Variants in C8orf34 observed in about 807,000 individuals in gnomAD.
C8orf34 encodes the protein chromosome 8 open reading frame 34.
A neutral mutation model predicts 68.3 loss-of-function variants in C8orf34; 65 were observed. The observed-to-expected ratio is 0.95, with a 90% confidence interval of 0.78 to 1.17. C8orf34 has a LOEUF of 1.17. Ranked by LOEUF, C8orf34 falls within the 50% of genes most tolerant of loss-of-function variation. The pLI is 0.00. For synonymous variants in C8orf34, 244 were observed against 241.2 expected (o/e 1.01, Z -0.11); for missense variants, 664 against 655.4 (o/e 1.01, Z -0.14).
intron 5 of C8orf34, among the ~76,000 whole-genome samples, chr8:68,505,297 G>A (rs1813959650): frequency 6.6e-6 from 1 of 152,296 alleles, no homozygotes; most frequent in South Asian, 2.1e-4. Context: ...TGTCGATAAT[G>A]TATTATTGAA....
intron 3 of C8orf34, among the ~76,000 whole-genome samples, chr8:68,453,165 A>G (rs1474681816): frequency 6.6e-6 from 1 of 151,894 alleles, no homozygotes; most frequent in Non-Finnish European, 1.5e-5. Flanking sequence ...TGTTTTGATA[A>G]CTGTAGTTTT....
rs143892124 is a variant in C8orf34, at chr8:68,691,306, T to C, written c.1242-17688T>C. ...TCTCTGTGTCAGCATTTTTTAGTAA[T>C]AAAGTATTTGAATTAAGGTATGTAC... On this transcript the variant is annotated intron_variant, in intron 8 of 13. Coordinates refer to ENST00000518698, the MANE Select transcript of C8orf34 (RefSeq NM_052958.4). Among the ~76,000 whole-genome samples the C allele has an allele frequency of 4.3e-3, 662 of 152,206 alleles. 11 individuals carry two copies. The highest frequency in any genetic ancestry group is 0.015 in the African/African-American group (624 of 41,562).
chr8:68,805,476 T>C (rs1271555082), intron 12 of C8orf34, among the ~76,000 whole-genome samples: 1 of 152,216 alleles, frequency 6.6e-6, no homozygotes, highest in Non-Finnish European at 1.5e-5. Flanking sequence ...ATTTAACTGT[T>C]TCTCTTTGTA....
chr8:68,676,008 G>T (rs2130859380), intron 8 of C8orf34, among the ~76,000 whole-genome samples: 1 of 152,230 alleles, frequency 6.6e-6, no homozygotes, highest in Admixed American at 6.5e-5. Flanking sequence ...TAATAATGGG[G>T]TCAGTTCAGC....
intron 7 of C8orf34, among the ~76,000 whole-genome samples, chr8:68,633,709 TGTA>T (rs1818757078): frequency 6.6e-6 from 1 of 152,000 alleles, no homozygotes; most frequent in Admixed American, 6.5e-5. Context: ...GGCTGGATAT[TGTA>T]GAGAATATTT....
chr8:68,569,071 G>A (rs1345833329), intron 7 of C8orf34, among the ~76,000 whole-genome samples: 1 of 152,176 alleles, frequency 6.6e-6, no homozygotes, highest in Non-Finnish European at 1.5e-5. Flanking sequence ...TCACCCATGT[G>A]TCTTTCCAAA....
intron 1 of C8orf34, among the ~76,000 whole-genome samples, chr8:68,335,198 T>C (rs1805798547): frequency 6.6e-6 from 1 of 152,154 alleles, no homozygotes; most frequent in South Asian, 2.1e-4. Flanking sequence ...ATAAGAAGGA[T>C]ACTAGTTACT....
chr8:68,465,807 G>A (rs1036617669), intron 3 of C8orf34, among the ~76,000 whole-genome samples: 1 of 151,764 alleles, frequency 6.6e-6, no homozygotes, highest in African/African-American at 2.4e-5. Context: ...GTTGTGGGGT[G>A]GGGGCAGGGG....
At chr8:68,709,130 A>G in intron 9 of C8orf34, 51 bp downstream of exon 9, 1 of 1,388,246 alleles carries the variant, frequency 7.2e-7, no homozygotes, top group Non-Finnish European at 1.0e-6. Flanking sequence ...GCACTTAAAG[A>G]TTAAAGAAGT....
intron 4 of C8orf34, among the ~76,000 whole-genome samples, chr8:68,484,048 C>T (rs1438910268): frequency 6.6e-6 from 1 of 152,172 alleles, no homozygotes; most frequent in Non-Finnish European, 1.5e-5. Flanking sequence ...GTTTTGCAGG[C>T]TGTACAGGAA....
At chr8:68,450,795 T>G (rs183086220) in intron 3 of C8orf34, among the ~76,000 whole-genome samples, 1 of 152,216 alleles carries the variant, frequency 6.6e-6, no homozygotes, top group African/African-American at 2.4e-5. Flanking sequence ...TATAGCATAA[T>G]TCTTAAGGTC....
chr8:68,686,286 G>A (rs553759967), intron 8 of C8orf34, among the ~76,000 whole-genome samples: 9 of 152,090 alleles, frequency 5.9e-5, no homozygotes, highest in African/African-American at 1.9e-4. Flanking sequence ...ATTCTATGAG[G>A]CCACTATCAC....
At chr8:68,415,337 G>C (rs1052226139) in intron 1 of C8orf34, among the ~76,000 whole-genome samples, 12 of 152,226 alleles carry the variant, frequency 7.9e-5, no homozygotes, top group Non-Finnish European at 1.5e-4. Flanking sequence ...AAAATTAGCT[G>C]GGTGTGGCGG....
intron 7 of C8orf34, chr8:68,625,668 C>T (rs936580856): frequency 1.3e-5 from 9 of 699,672 alleles, no homozygotes; most frequent in Non-Finnish European, 2.3e-5. Context: ...ATGTCATGTG[C>T]CTGCTCCTCC....
At chr8:68,510,174 C>T (rs1294868321) in intron 5 of C8orf34, among the ~76,000 whole-genome samples, 1 of 152,102 alleles carries the variant, frequency 6.6e-6, no homozygotes, top group Non-Finnish European at 1.5e-5. Flanking sequence ...GAGTTGCATG[C>T]ACTCCCTATC....
chr8:68,651,671 G>A (rs1013305429), intron 8 of C8orf34, among the ~76,000 whole-genome samples: 6 of 152,148 alleles, frequency 3.9e-5, no homozygotes, highest in African/African-American at 1.2e-4. Context: ...AATACCACAT[G>A]TTCTTGCTTA....
intron 1 of C8orf34, among the ~76,000 whole-genome samples, chr8:68,390,763 G>C (rs1334315555): frequency 2.0e-5 from 3 of 152,072 alleles, no homozygotes; most frequent in Non-Finnish European, 1.5e-5. Flanking sequence ...TATCAGTCAG[G>C]GTTCTCCAGA....
intron 4 of C8orf34, among the ~76,000 whole-genome samples, chr8:68,478,360 A>G (rs1043645093): frequency 1.3e-5 from 2 of 152,112 alleles, no homozygotes; most frequent in Admixed American, 6.5e-5. Flanking sequence ...CCTGGGCTTC[A>G]TTGTCCATAT....
At chr8:68,554,682 C>T (rs1234136971) in intron 7 of C8orf34, among the ~76,000 whole-genome samples, 1 of 151,120 alleles carries the variant, frequency 6.6e-6, no homozygotes, top group African/African-American at 2.5e-5. Flanking sequence ...CATAATAACC[C>T]TATAGTGTGA....
Sources: gnomAD v4.1 joint callset for allele counts (sites outside exome capture counted in the v4.1 genomes callset) on GRCh38, gnomAD v4.1.1 for gene constraint, MANE v1.5 for transcripts, NCBI Gene and HGNC (gene_info 2026-07-23, HGNC 2026-07-21) for gene names.